The following OSTN variants were observed in gnomAD, a reference collection of about 807,000 sequenced individuals.
OSTN encodes the protein osteocrin.
Under a neutral mutation model 12.0 loss-of-function variants are expected in OSTN, and 9 were observed. The observed-to-expected ratio is 0.75, with a 90% confidence interval of 0.45 to 1.30. The LOEUF (loss-of-function observed/expected upper bound fraction) is 1.30. OSTN is among the 50% of genes most tolerant of loss of function. The pLI is 0.00. For missense variants in OSTN, 148 were observed against 152.3 expected (o/e 0.97, Z 0.15); for synonymous variants, 59 against 56.9 (o/e 1.04, Z -0.16).
At chr3:191,232,331 T>TA (rs61313474) in intron 3 of OSTN, among the ~76,000 whole-genome samples, 2,130 of 67,206 alleles carry the variant, frequency 0.032, 121 homozygotes, top group East Asian at 0.14. Context: ...AGACTCTGTC[T>TA]AAAAAAAAAA....
At chr3:191,226,335 A>G (rs1210392808) in intron 3 of OSTN, among the ~76,000 whole-genome samples, 5 of 152,182 alleles carry the variant, frequency 3.3e-5, no homozygotes, top group Non-Finnish European at 1.5e-5. Flanking sequence ...ACAAAATCTA[A>G]TATTTATTAA....
At position 191,257,185 on chromosome 3, in the gene OSTN, CAAAAAAA is replaced by C. The variant is rs71175391; in HGVS notation, c.*13-5663_*13-5657del. On this transcript the variant is annotated intron_variant, in intron 4 of 4. Transcript: ENST00000682035. Reference sequence around the variant, plus strand: ...TGGGTGACAGAGCAAAACCCTCTCTCAAAAAAAAAAAAAAAAAAAAAAAAGACCATAG... The same window carrying C: ...TGGGTGACAGAGCAAAACCCTCTCTCAAAAAAAAAAAAAAAAAGACCATAG... Among the ~76,000 whole-genome samples, 130 of 72,196 alleles carry C rather than the reference CAAAAAAA, an allele frequency of 1.8e-3. 1 individual carries two copies. Among genetic ancestry groups the C allele is most frequent in the African/African-American group, 5.7e-3 (123 of 21,766 alleles). The allele number at this position is 72,196 out of a possible 152,430, so 47.4% of individuals were successfully genotyped here. A position where few individuals can be genotyped will look rare whatever the true frequency, so the allele number is the denominator to read the frequency against.
chr3:191,253,447 T>C (rs1185501513), intron 4 of OSTN, among the ~76,000 whole-genome samples: 2 of 152,214 alleles, frequency 1.3e-5, no homozygotes, highest in African/African-American at 4.8e-5. Context: ...CACACAAATT[T>C]ATTTAACATT....
intron 3 of OSTN, among the ~76,000 whole-genome samples, chr3:191,233,721 C>T (rs1245468690): frequency 6.6e-6 from 1 of 152,206 alleles, no homozygotes; most frequent in East Asian, 1.9e-4. Flanking sequence ...CGGCCAGGCA[C>T]TGTGGCTCAT....
intron 2 of OSTN, among the ~76,000 whole-genome samples, chr3:191,212,878 T>G (rs867211503): frequency 0.016 from 2,204 of 137,022 alleles, 49 homozygotes; most frequent in African/African-American, 0.05. Context: ...TTTTTTTTTT[T>G]TTTTTTTTTT....
intron 1 of OSTN, among the ~76,000 whole-genome samples, chr3:191,207,441 T>C (rs1475748183): frequency 6.6e-6 from 1 of 152,156 alleles, no homozygotes; most frequent in Non-Finnish European, 1.5e-5. Flanking sequence ...TTAAAAGTCT[T>C]ATTGATTAAT....
intron 1 of OSTN, among the ~76,000 whole-genome samples, chr3:191,208,906 C>G (rs1480508743): frequency 2.0e-5 from 3 of 152,134 alleles, no homozygotes; most frequent in Non-Finnish European, 4.4e-5. Context: ...GCCTATAATC[C>G]CAGCACTTTG....
At chr3:191,212,479 T>C in intron 1 of OSTN, 54 bp from the exon 2 acceptor site, 1 of 1,237,826 alleles carries the variant, frequency 8.1e-7, no homozygotes. Flanking sequence ...CTTCTGTTTT[T>C]TGTCTTTACA....
Position 191,264,818 on chromosome 3 carries a change from A to G in OSTN, c.*1965A>G, listed in dbSNP as rs1715887049. The G allele has an allele frequency of 6.6e-6, 1 of 152,170 alleles. No individual in the cohort carries two copies. Among genetic ancestry groups the G allele is most frequent in the South Asian group, 2.1e-4 (1 of 4,830 alleles). The allele number at this position is 152,170 out of a possible 1,614,324, so 9.4% of individuals were successfully genotyped here. ...ACCTACTTTAGCCTAAAACTTTCTCATGGTAAATATTGGAAGTTGGATTAT... is the reference window on the plus strand; with the variant it reads ...ACCTACTTTAGCCTAAAACTTTCTCGTGGTAAATATTGGAAGTTGGATTAT... On this transcript the variant is annotated 3_prime_UTR_variant, in exon 5 of 5. Transcript: ENST00000682035.
At chr3:191,206,459 A>G (rs1399118347) in intron 1 of OSTN, among the ~76,000 whole-genome samples, 1 of 152,226 alleles carries the variant, frequency 6.6e-6, no homozygotes. Context: ...AAAGAGGAAA[A>G]TATTTCTGTC....
intron 2 of OSTN, among the ~76,000 whole-genome samples, chr3:191,213,712 T>C (rs974633521): frequency 1.3e-5 from 2 of 151,694 alleles, no homozygotes; most frequent in East Asian, 1.9e-4. Context: ...GTTTCTTAAA[T>C]AGCATAAAGT....
Position 191,245,761 on chromosome 3 carries a change from C to T in OSTN, c.318-4276C>T, listed in dbSNP as rs77967876. ...CAAAGAATGTTCTGTTTTAATCATA[C>T]GTATCTCGAAAAGAGTAAAAGAGGC... On this transcript the variant is annotated intron_variant, in intron 3 of 4. Transcript: ENST00000682035. Among the ~76,000 whole-genome samples the T allele has an allele frequency of 5.1e-4, 78 of 152,082 alleles. No individual in the cohort carries two copies. The East Asian group carries it at 0.015, about 29-fold the overall frequency.
chr3:191,250,022 C>T lies in OSTN; in HGVS notation c.318-15C>T. 1 of 1,597,794 alleles carries T rather than the reference C, an allele frequency of 6.3e-7. No individual in the cohort carries two copies. The highest frequency in any genetic ancestry group is 8.6e-7 in the Non-Finnish European group (1 of 1,165,442). On this transcript the variant is annotated splice_polypyrimidine_tract_variant and intron_variant, in intron 3 of 4. Transcript: ENST00000682035. ...TGCCCTTTAGTTTAAAAATGTCCTC[C>T]TTGGTTTGTTTCAGGAAAGTAGTAG...
intron 2 of OSTN, 26 bp from the exon 3 acceptor site, chr3:191,218,721 C>T (rs556347841): frequency 1.8e-5 from 28 of 1,588,988 alleles, no homozygotes; most frequent in South Asian, 1.4e-4. Flanking sequence ...TCTAAATTAA[C>T]GGAATCGCCT....
At chr3:191,247,664 T>C (rs1279696168) in intron 3 of OSTN, among the ~76,000 whole-genome samples, 1 of 152,240 alleles carries the variant, frequency 6.6e-6, no homozygotes, top group Non-Finnish European at 1.5e-5. Flanking sequence ...TCTATTTTTA[T>C]TAGCCTTTTA....
In OSTN at chr3:191,263,336, C is replaced by G. The variant is rs373000457; in HGVS notation, c.*483C>G. The G allele has an allele frequency of 6.6e-6, 1 of 152,666 alleles. No individual in the cohort carries two copies. Among genetic ancestry groups the G allele is most frequent in the South Asian group, 2.1e-4 (1 of 4,844 alleles). 9.5% of individuals were successfully genotyped at this position (152,666 alleles called of 1,614,324 possible). The stretch of plus-strand genomic sequence containing the variant: ...TATTCCATTTTTCCAAGAGTCTGAT[C>G]GGTAATAATTATGAAATTAGGCTTC... On this transcript the variant is annotated 3_prime_UTR_variant, in exon 5 of 5. Coordinates refer to ENST00000682035, the MANE Select transcript of OSTN (RefSeq NM_198184.2).
At chr3:191,239,775 G>GA (rs1162144846) in intron 3 of OSTN, among the ~76,000 whole-genome samples, 5 of 152,130 alleles carry the variant, frequency 3.3e-5, no homozygotes, top group Admixed American at 1.3e-4. Context: ...CTCCTGTTAG[G>GA]AAAAAAATTG....
chr3:191,206,385 A>G (rs1406568849), intron 1 of OSTN, among the ~76,000 whole-genome samples: 1 of 152,220 alleles, frequency 6.6e-6, no homozygotes, highest in East Asian at 1.9e-4. Flanking sequence ...ACATCCCAAA[A>G]TCAAAGATTT....
chr3:191,259,647 G>C (rs1416234755), intron 4 of OSTN, among the ~76,000 whole-genome samples: 1 of 151,790 alleles, frequency 6.6e-6, no homozygotes, highest in Non-Finnish European at 1.5e-5. Flanking sequence ...CAAACCAACA[G>C]GGCCCCCTGA....
Sources: allele counts gnomAD v4.1 joint callset (sites outside exome capture counted in the v4.1 genomes callset), GRCh38; gene constraint gnomAD v4.1.1; transcripts MANE v1.5; gene names NCBI Gene and HGNC (gene_info 2026-07-23, HGNC 2026-07-21).